Variants in CAPN5 observed in about 807,000 individuals in gnomAD.
CAPN5 encodes calpain-5.
A neutral mutation model predicts 73.0 loss-of-function variants in CAPN5; 54 were observed. The observed-to-expected ratio is 0.74, with a 90% CI of 0.59 to 0.93. The LOEUF (loss-of-function observed/expected upper bound fraction) is 0.93, where lower values mean the gene tolerates loss of function less well. Ranked by LOEUF, CAPN5 falls within the 40% of genes least tolerant of loss-of-function variation. The pLI is 0.00. For synonymous variants in CAPN5, 335 were observed against 356.9 expected (o/e 0.94, Z 0.69); for missense variants, 785 against 882.9 (o/e 0.89, Z 1.41).
At position 77,124,148 on chromosome 11, in the gene CAPN5, A is replaced by C; in HGVS notation, c.*278A>C. 2.3e-6 allele frequency: 1 copy of C among 439,192 alleles called. No individual in the cohort carries two copies. The highest frequency in any genetic ancestry group is 4.1e-6 in the Non-Finnish European group (1 of 245,668). 27.2% of individuals were successfully genotyped at this position (439,192 alleles called of 1,614,324 possible). On this transcript the variant is annotated 3_prime_UTR_variant, in exon 13 of 13. Transcript: ENST00000648180. ...CTAAGGGACTCTATCCATTGAGCAC[A>C]TTTTCCTAAGGCCCTGCTGTCTGCC...
intron 1 of CAPN5, among the ~76,000 whole-genome samples, chr11:77,075,950 GTA>G (rs1555033855): frequency 6.6e-6 from 1 of 152,122 alleles, no homozygotes; most frequent in African/African-American, 2.4e-5. Context: ...GATAAAAATT[GTA>G]TATGTTTATC....
At chr11:77,092,112 G>A (rs782511375) in intron 2 of CAPN5, among the ~76,000 whole-genome samples, 27 of 152,154 alleles carry the variant, frequency 1.8e-4, no homozygotes, top group Non-Finnish European at 3.1e-4. Flanking sequence ...CCAGCTATTC[G>A]TGAGGCTTAG....
intron 3 of CAPN5, among the ~76,000 whole-genome samples, chr11:77,111,604 C>T (rs565086862): frequency 2.6e-5 from 4 of 152,204 alleles, no homozygotes; most frequent in Admixed American, 2.0e-4. Flanking sequence ...TTCATTCATT[C>T]AGTCAATGCA....
chr11:77,084,745 G>C (rs187156508), intron 1 of CAPN5, 107 bp from the exon 2 acceptor site: 18 of 992,452 alleles, frequency 1.8e-5, no homozygotes, highest in Middle Eastern at 2.1e-4. Context: ...TCCACGCCTC[G>C]CTGAGCCTTC....
Position 77,120,722 on chromosome 11 carries a change from A to G in CAPN5, c.1300A>G (p.Asn434Asp). Residue 434 changes from asparagine (N) to aspartate (D), a missense_variant, in exon 10 of 13, where the codon AAC (asparagine) becomes GAC (aspartate). By Grantham distance (23) the Asn-to-Asp change is conservative. Coordinates refer to ENST00000648180, the MANE Select transcript of CAPN5 (RefSeq NM_004055.5). ...CTCCCGCCTCCTGCAGGTGGAGGAGAACCGCCAGTACCGCATGCACAGCCT... is the reference window on the plus strand; with the variant it reads ...CTCCCGCCTCCTGCAGGTGGAGGAGGACCGCCAGTACCGCATGCACAGCCT... ...IGFDIYKVEE[N>D]RQYRMHSLQH... The G allele has an allele frequency of 6.2e-7, 1 of 1,604,510 alleles. No individual in the cohort carries two copies. The highest frequency in any genetic ancestry group is 2.2e-5 in the East Asian group (1 of 44,644).
At chr11:77,115,135 T>A (rs1455176582) in intron 5 of CAPN5, among the ~76,000 whole-genome samples, 3 of 152,066 alleles carry the variant, frequency 2.0e-5, no homozygotes, top group Non-Finnish European at 4.4e-5. Flanking sequence ...AATTTAAATA[T>A]TCCCGAATAT....
chr11:77,103,361 G>A, intron 3 of CAPN5: 3 of 1,586,208 alleles, frequency 1.9e-6, no homozygotes, highest in South Asian at 1.1e-5. Context: ...CTCTCCTCTA[G>A]CCCACCTGTG....
At chr11:77,122,785 A>C in intron 12 of CAPN5, 73 bp downstream of exon 12, 1 of 1,592,608 alleles carries the variant, frequency 6.3e-7, no homozygotes. Context: ...GGACAAGCCC[A>C]GGTGGAAGAC....
At chr11:77,122,922 G>A (rs1281904765) in intron 12 of CAPN5, among the ~76,000 whole-genome samples, 1 of 152,214 alleles carries the variant, frequency 6.6e-6, no homozygotes, top group Admixed American at 6.5e-5. Context: ...ATTAGTTGGT[G>A]TGGTCCTGAG....
chr11:77,118,498 T>A, intron 8 of CAPN5, 146 bp downstream of exon 8: 1 of 661,328 alleles, frequency 1.5e-6, no homozygotes, highest in Non-Finnish European at 2.5e-6. Flanking sequence ...GGGGGTTAGA[T>A]GGGCACATCC....
At chr11:77,080,870 G>C (rs1242041857) in intron 1 of CAPN5, among the ~76,000 whole-genome samples, 2 of 152,216 alleles carry the variant, frequency 1.3e-5, no homozygotes, top group African/African-American at 2.4e-5. Flanking sequence ...AAATGATGCA[G>C]TTGGGATGCA....
At chr11:77,120,983 C>T in intron 10 of CAPN5, 74 bp downstream of exon 10, 1 of 1,371,616 alleles carries the variant, frequency 7.3e-7, no homozygotes, top group South Asian at 1.3e-5. Flanking sequence ...AACCTGCAGC[C>T]TCAGAGATGC....
intron 1 of CAPN5, among the ~76,000 whole-genome samples, chr11:77,068,361 G>A (rs753681907): frequency 1.6e-4 from 24 of 152,320 alleles, no homozygotes; most frequent in Non-Finnish European, 2.9e-4. Context: ...TGGGTCCACA[G>A]ATAAGGCCCT....
intron 3 of CAPN5, chr11:77,102,922 G>T (rs2233547): frequency 6.2e-7 from 1 of 1,612,874 alleles, no homozygotes; most frequent in South Asian, 1.1e-5. Context: ...ATGCGGCTAC[G>T]CGTGGAGAGC....
chr11:77,113,054 A>C, intron 4 of CAPN5: 1 of 574,598 alleles, frequency 1.7e-6, no homozygotes, highest in African/African-American at 1.9e-5. Flanking sequence ...GGCCCAGGCA[A>C]CATCCTGTAG....
intron 1 of CAPN5, among the ~76,000 whole-genome samples, chr11:77,068,429 G>C (rs1050876449): frequency 3.9e-5 from 6 of 152,140 alleles, no homozygotes; most frequent in African/African-American, 1.4e-4. Flanking sequence ...GTGCCCGGGA[G>C]CTGGGGATGA....
intron 10 of CAPN5, 120 bp downstream of exon 10, chr11:77,121,029 T>C: frequency 1.2e-6 from 1 of 868,806 alleles, no homozygotes; most frequent in Non-Finnish European, 1.8e-6. Context: ...TCTGGGCTGA[T>C]ACCAGTGCCC....
intron 1 of CAPN5, among the ~76,000 whole-genome samples, chr11:77,083,621 C>T (rs991932982): frequency 1.3e-5 from 2 of 152,212 alleles, no homozygotes; most frequent in Admixed American, 1.3e-4. Flanking sequence ...GGAAATGGGG[C>T]GTCTCTTGGG....
At chr11:77,115,184 TCCCCTGGGCTGA>T (rs1213357934) in intron 5 of CAPN5, among the ~76,000 whole-genome samples, 199 bp from the exon 6 acceptor site, 3 of 152,216 alleles carry the variant, frequency 2.0e-5, no homozygotes, top group African/African-American at 7.2e-5. Context: ...GCCCCAGCAT[TCCCCTGGGCTGA>T]CCCACTATGG....
Sources: gnomAD v4.1 joint callset for allele counts (sites outside exome capture counted in the v4.1 genomes callset) on GRCh38, gnomAD v4.1.1 for gene constraint, MANE v1.5 for transcripts, NCBI Gene and HGNC (gene_info 2026-07-23, HGNC 2026-07-21) for gene names.